NTN4: variants seen among roughly 807,000 people sequenced by gnomAD.
The protein encoded by NTN4 is netrin 4.
In NTN4, 32 loss-of-function variants were observed where a neutral mutation model predicts 73.6. That is an observed-to-expected ratio of 0.44 (90% confidence interval 0.33 to 0.58). NTN4 has a LOEUF of 0.58. NTN4 is among the 20% of genes least tolerant of loss of function. The pLI is 0.04. For missense variants in NTN4, 654 were observed against 798.3 expected, an observed-to-expected ratio of 0.82 and a Z score of 2.18; for synonymous variants, 258 against 287.5, an observed-to-expected ratio of 0.90 and a Z score of 1.04.
intron 2 of NTN4, 37 bp from the exon 3 acceptor site, chr12:95,738,181 CTG>C: frequency 1.3e-6 from 2 of 1,570,012 alleles, no homozygotes; most frequent in Non-Finnish European, 1.7e-6. Context: ...GTTTATAGGA[CTG>C]TGCGCAAACC....
At chr12:95,701,088 C>T (rs2078481821) in intron 5 of NTN4, among the ~76,000 whole-genome samples, 1 of 152,152 alleles carries the variant, frequency 6.6e-6, no homozygotes, top group South Asian at 2.1e-4. Context: ...GCTGAGATTA[C>T]AGGTGTGAGC....
chr12:95,772,954 C>T (rs1051391225), intron 2 of NTN4, among the ~76,000 whole-genome samples: 2 of 151,772 alleles, frequency 1.3e-5, no homozygotes, highest in African/African-American at 4.8e-5. Flanking sequence ...ATAATATCAC[C>T]CCACCACTTA....
intron 2 of NTN4, among the ~76,000 whole-genome samples, chr12:95,774,314 A>G (rs932337508): frequency 6.6e-6 from 1 of 152,158 alleles, no homozygotes; most frequent in Admixed American, 6.5e-5. Context: ...TGTTATTTCA[A>G]CTCACTAGGT....
chr12:95,790,280 G>GAGC lies in NTN4; in HGVS notation c.27_29dup (p.Leu10dup). 6.5e-7 allele frequency: 1 copy of GAGC among 1,535,444 alleles called. No homozygotes were observed. The highest frequency in any genetic ancestry group is 1.4e-5 in the African/African-American group (1 of 70,792). On this transcript the variant is annotated inframe_insertion, in exon 1 of 10. Coordinates refer to ENST00000343702, the MANE Select transcript of NTN4 (RefSeq NM_021229.4). This position sits in a 1 kb window ranked among gnomAD's most constrained non-coding sequence, Gnocchi z 6.5. Reference sequence around the variant, plus strand: ...CTGCGGCCACCACCGTGCAGCCCCAGAGCAGCAGCAGCCGCGCGCAGCTCC... The same window carrying GAGC: ...CTGCGGCCACCACCGTGCAGCCCCAGAGCAGCAGCAGCAGCCGCGCGCAGCTCC...
At chr12:95,749,663 C>T (rs1438346267) in intron 2 of NTN4, among the ~76,000 whole-genome samples, 1 of 152,242 alleles carries the variant, frequency 6.6e-6, no homozygotes, top group Non-Finnish European at 1.5e-5. Flanking sequence ...TCTGATTATA[C>T]ACCCACGTTT....
intron 3 of NTN4, among the ~76,000 whole-genome samples, chr12:95,722,809 T>C (rs1165646815): frequency 2.6e-5 from 4 of 151,672 alleles, no homozygotes; most frequent in Admixed American, 6.6e-5. Context: ...ACTCTGTCTC[T>C]ACGAAAAATA....
At chr12:95,716,835 G>T (rs1421272644) in intron 3 of NTN4, among the ~76,000 whole-genome samples, 2 of 151,656 alleles carry the variant, frequency 1.3e-5, no homozygotes, top group African/African-American at 2.4e-5. Context: ...TTAGAGACAG[G>T]GTCTTGCTTT....
At chr12:95,671,596 T>C (rs950675698) in intron 7 of NTN4, among the ~76,000 whole-genome samples, 28 of 152,144 alleles carry the variant, frequency 1.8e-4, no homozygotes, top group African/African-American at 6.5e-4. Context: ...TGGTCTGAGG[T>C]GGAACAGCTT....
chr12:95,680,928 G>A lies in NTN4; in HGVS notation c.1510+1779C>T, dbSNP rs137870337. On this transcript the variant is annotated intron_variant, in intron 7 of 9. Coordinates refer to ENST00000343702, the MANE Select transcript of NTN4 (RefSeq NM_021229.4). ...ATAACGGCCGGGCGCGGTGGCTCAC[G>A]CCTGTAATCCCAGCACTATGGGAGG... Among the ~76,000 whole-genome samples, 46 of 152,172 alleles carry A rather than the reference G, an allele frequency of 3.0e-4. No individual in the cohort carries two copies. In the East Asian group the frequency reaches 6.2e-3, roughly 20 times the overall value.
intron 4 of NTN4, 126 bp downstream of exon 4, chr12:95,713,086 A>ATCAC: frequency 1.8e-6 from 2 of 1,097,180 alleles, no homozygotes; most frequent in Non-Finnish European, 2.5e-6. Flanking sequence ...TGATATGGCT[A>ATCAC]TGTTTGTGTA....
chr12:95,667,863 A>AAAATAAATAAAT lies in NTN4; in HGVS notation c.1580-1895_1580-1884dup, dbSNP rs71087991. 5.2e-3 allele frequency among the ~76,000 whole-genome samples: 765 copies of AAAATAAATAAAT among 148,306 alleles called. 4 individuals carry two copies. The highest frequency in any genetic ancestry group is 0.034 in the East Asian group (172 of 5,022). On this transcript the variant is annotated intron_variant, in intron 8 of 9. Coordinates refer to ENST00000343702, the MANE Select transcript of NTN4 (RefSeq NM_021229.4). Reference sequence around the variant, plus strand: ...CGACAGAGCAAAACTCCATCTCTCAAAAATAAATAAATAAATAAATAAATA... The same window carrying AAAATAAATAAAT: ...CGACAGAGCAAAACTCCATCTCTCAAAAATAAATAAATAAATAAATAAATAAATAAATAAATA...
Position 95,683,842 on chromosome 12 carries a change from G to T in NTN4, c.1181-131C>A, listed in dbSNP as rs2078339317. ...TTCTGAGACTCCTTCTTTAGCCAGTGAGTGTATGCTCAGAGAATGAAAGCT... is the reference window on the plus strand; with the variant it reads ...TTCTGAGACTCCTTCTTTAGCCAGTTAGTGTATGCTCAGAGAATGAAAGCT... On this transcript the variant is annotated intron_variant, in intron 5 of 9. Transcript: ENST00000343702. 4.6e-6 allele frequency: 3 copies of T among 648,438 alleles called. No individual in the cohort carries two copies. In the South Asian group the frequency reaches 5.5e-5, roughly 12 times the overall value. 40.2% of individuals were successfully genotyped at this position (648,438 alleles called of 1,614,324 possible).
chr12:95,670,629 C>T (rs534528091), intron 7 of NTN4: 4 of 152,362 alleles, frequency 2.6e-5, no homozygotes, highest in African/African-American at 9.6e-5. Context: ...CATGGTGCTT[C>T]GCACTTCAGC....
chr12:95,761,534 T>C (rs886285069), intron 2 of NTN4, among the ~76,000 whole-genome samples: 1 of 152,064 alleles, frequency 6.6e-6, no homozygotes, highest in Admixed American at 6.5e-5. Context: ...GGTTTCACCA[T>C]GTTGGCCAGG....
chr12:95,784,209 C>A (rs1326418536), intron 2 of NTN4, among the ~76,000 whole-genome samples: 2 of 152,066 alleles, frequency 1.3e-5, no homozygotes, highest in Admixed American at 6.6e-5. Context: ...GTTGAAACTG[C>A]GAAATAAATT....
rs1298130811 is a variant in NTN4 at position 95,787,155 on chromosome 12, A to T, written c.369T>A (p.Ala123=). The T allele has an allele frequency of 4.3e-6, 7 of 1,614,218 alleles. No individual in the cohort carries two copies. Among genetic ancestry groups the T allele is most frequent in the Middle Eastern group, 1.6e-4 (1 of 6,062 alleles). The stretch of plus-strand genomic sequence containing the variant: ...CAATTAGGTGAGTGAAGTAGAATTC[A>T]GCTTCCAGGTCTAACTGGATCTTTT... ...HREKIQLDLE[A]EFYFTHLIVM... is the part of the protein sequence containing the mutation. The change falls in exon 2 of 10, where the codon GCT becomes GCA. Residue 123 remains alanine (A), a synonymous_variant. Transcript: ENST00000343702.
chr12:95,734,426 C>T (rs908275462), intron 3 of NTN4, among the ~76,000 whole-genome samples: 7 of 152,140 alleles, frequency 4.6e-5, no homozygotes, highest in Admixed American at 2.0e-4. Context: ...GTATTTCTCA[C>T]GAGTTGCCAG....
chr12:95,664,946 G>A (rs1309519249), intron 9 of NTN4, among the ~76,000 whole-genome samples: 2 of 152,012 alleles, frequency 1.3e-5, no homozygotes, highest in Non-Finnish European at 1.5e-5. Context: ...CATCAGTGCC[G>A]CTAAGACACA....
chr12:95,733,809 C>T (rs12316728), intron 3 of NTN4, among the ~76,000 whole-genome samples: 6 of 151,944 alleles, frequency 3.9e-5, no homozygotes, highest in Non-Finnish European at 7.4e-5. Flanking sequence ...GTGGCTCATG[C>T]CTGTAATCCC....
Sources: allele counts gnomAD v4.1 joint callset (sites outside exome capture counted in the v4.1 genomes callset), GRCh38; gene constraint gnomAD v4.1.1; non-coding constraint Gnocchi (gnomAD v3.1); transcripts MANE v1.5; gene names NCBI Gene and HGNC (gene_info 2026-07-23, HGNC 2026-07-21).